The following MNAT1 variants were observed in gnomAD, a reference collection of about 807,000 sequenced individuals.
The protein encoded by MNAT1 is MNAT1 component of CDK activating kinase.
MNAT1 carries 43 observed loss-of-function variants against 42.0 expected under a neutral mutation model. That is an observed-to-expected ratio of 1.02 (90% CI 0.80 to 1.32). The LOEUF is 1.32. MNAT1 is among the 40% of genes most tolerant of loss of function. The pLI is 0.00. For synonymous variants in MNAT1, 118 were observed against 120.0 expected, an observed-to-expected ratio of 0.98 and a Z score of 0.11; for missense variants, 306 against 350.4, an observed-to-expected ratio of 0.87 and a Z score of 1.01.
chr14:60,808,461 CT>C, intron 4 of MNAT1, 33 bp downstream of exon 4: 1 of 1,281,860 alleles, frequency 7.8e-7, no homozygotes, highest in Non-Finnish European at 1.1e-6. Context: ...CTTATTTTGT[CT>C]TAGAAACAAA....
At chr14:60,929,016 A>G (rs1038489857) in intron 7 of MNAT1, among the ~76,000 whole-genome samples, 7 of 150,626 alleles carry the variant, frequency 4.6e-5, no homozygotes, top group Non-Finnish European at 5.9e-5. Flanking sequence ...GTGTGGTCGC[A>G]TGTGCCTGTA....
At chr14:60,785,259 T>C (rs1485949671) in intron 1 of MNAT1, among the ~76,000 whole-genome samples, 1 of 152,216 alleles carries the variant, frequency 6.6e-6, no homozygotes, top group African/African-American at 2.4e-5. Flanking sequence ...TTTTAAAAGG[T>C]TTCCATTTCC....
chr14:60,918,605 A>G (rs79350932), intron 7 of MNAT1, among the ~76,000 whole-genome samples: 2,690 of 151,896 alleles, frequency 0.018, 63 homozygotes, highest in African/African-American at 0.056. Context: ...CAACTAAATT[A>G]TGGTGCACAA....
intron 7 of MNAT1, among the ~76,000 whole-genome samples, chr14:60,966,060 T>C (rs2036675705): frequency 6.6e-6 from 1 of 152,148 alleles, no homozygotes; most frequent in South Asian, 2.1e-4. Flanking sequence ...GGCCATGGGG[T>C]AGGTGTGGTG....
At chr14:60,801,953 G>T (rs1244206936) in intron 3 of MNAT1, among the ~76,000 whole-genome samples, 1 of 152,138 alleles carries the variant, frequency 6.6e-6, no homozygotes, top group African/African-American at 2.4e-5. Flanking sequence ...AAAAAAGAAG[G>T]TAATTCTGTA....
intron 7 of MNAT1, among the ~76,000 whole-genome samples, chr14:60,890,809 T>G (rs569669612): frequency 3.3e-5 from 5 of 152,304 alleles, no homozygotes; most frequent in African/African-American, 1.2e-4. Flanking sequence ...GATTAGGTGG[T>G]GCCCACCCAG....
chr14:60,952,781 G>C (rs2036409067), intron 7 of MNAT1, among the ~76,000 whole-genome samples: 1 of 152,198 alleles, frequency 6.6e-6, no homozygotes, highest in Non-Finnish European at 1.5e-5. Context: ...CAAAAGAGAT[G>C]TGGGGCTTAG....
intron 1 of MNAT1, among the ~76,000 whole-genome samples, chr14:60,763,635 C>T (rs528781826): frequency 6.6e-6 from 1 of 152,128 alleles, no homozygotes; most frequent in South Asian, 2.1e-4. Context: ...CCTTCCTACT[C>T]TAGTGTAAGT....
intron 1 of MNAT1, among the ~76,000 whole-genome samples, chr14:60,785,132 A>G (rs2031606060): frequency 6.6e-6 from 1 of 152,276 alleles, no homozygotes; most frequent in Non-Finnish European, 1.5e-5. Flanking sequence ...GGCATGAGCC[A>G]CCACGCCCAG....
At chr14:60,750,646 T>A (rs1049223099) in intron 1 of MNAT1, among the ~76,000 whole-genome samples, 23 of 152,136 alleles carry the variant, frequency 1.5e-4, no homozygotes, top group East Asian at 1.3e-3. Context: ...AGCTATTTTT[T>A]AAAAAAATTA....
intron 7 of MNAT1, among the ~76,000 whole-genome samples, chr14:60,946,167 A>G (rs2036271335): frequency 6.6e-6 from 1 of 152,136 alleles, no homozygotes. Flanking sequence ...TCTGTGTTGA[A>G]ATATTTCCTT....
intron 7 of MNAT1, among the ~76,000 whole-genome samples, chr14:60,962,319 G>T (rs2036607934): frequency 6.6e-6 from 1 of 152,104 alleles, no homozygotes. Context: ...TGGCCTATTA[G>T]CTACTGTTTA....
rs148650816 is a variant in MNAT1 at position 60,915,099 on chromosome 14, G to T, written c.809+35264G>T. Among the ~76,000 whole-genome samples the T allele has an allele frequency of 1.6e-4, 24 of 152,272 alleles. No homozygotes were observed. The East Asian group carries it at 4.6e-3, about 29-fold the overall frequency. ...CAGGTAATTTTTAATGCAGATTGCT[G>T]TTCCTGGATTCTGCTTGTCTCAGTG... On this transcript the variant is annotated intron_variant, in intron 7 of 7. Coordinates refer to ENST00000261245, the MANE Select transcript of MNAT1 (RefSeq NM_002431.4).
At chr14:60,861,110 T>C (rs2034084763) in intron 6 of MNAT1, among the ~76,000 whole-genome samples, 1 of 152,194 alleles carries the variant, frequency 6.6e-6, no homozygotes. Flanking sequence ...TCTTGTCTCA[T>C]GTAGTGCAGA....
intron 1 of MNAT1, among the ~76,000 whole-genome samples, chr14:60,739,493 A>G (rs1180353094): frequency 6.6e-6 from 1 of 152,166 alleles, no homozygotes; most frequent in Non-Finnish European, 1.5e-5. Flanking sequence ...GGTTATGGAA[A>G]AATTAACTAG....
At chr14:60,763,601 T>C (rs1394487873) in intron 1 of MNAT1, among the ~76,000 whole-genome samples, 6 of 152,318 alleles carry the variant, frequency 3.9e-5, no homozygotes, top group Admixed American at 1.3e-4. Flanking sequence ...TCCCAGTTTA[T>C]GAATGTGCTG....
chr14:60,830,544 A>G (rs1346883642), intron 6 of MNAT1, among the ~76,000 whole-genome samples: 1 of 152,204 alleles, frequency 6.6e-6, no homozygotes, highest in African/African-American at 2.4e-5. Context: ...ATAAGGCTCC[A>G]TCTGCAAATG....
chr14:60,820,194 T>A (rs2032840924), intron 6 of MNAT1, among the ~76,000 whole-genome samples: 1 of 152,060 alleles, frequency 6.6e-6, no homozygotes, highest in Admixed American at 6.6e-5. Flanking sequence ...GAATAAAGTC[T>A]AGTATTCAGA....
At chr14:60,735,917 A>G in intron 1 of MNAT1, among the ~76,000 whole-genome samples, 1 of 152,210 alleles carries the variant, frequency 6.6e-6, no homozygotes, top group East Asian at 1.9e-4. Context: ...AATAATGGAT[A>G]ATCTACAGTG....
Sources: gnomAD v4.1 joint callset for allele counts (sites outside exome capture counted in the v4.1 genomes callset) on GRCh38, gnomAD v4.1.1 for gene constraint, MANE v1.5 for transcripts, NCBI Gene and HGNC (gene_info 2026-07-23, HGNC 2026-07-21) for gene names.